Variants in PACRG observed in about 807,000 individuals in gnomAD.
PACRG encodes parkin coregulated gene protein.
PACRG carries 29 observed loss-of-function variants against 29.7 expected under a neutral mutation model. That is an observed-to-expected ratio of 0.98 (90% CI 0.73 to 1.33). PACRG has a LOEUF of 1.33. Among genes scored for constraint, PACRG ranks in the 40% most tolerant of loss-of-function variants. The probability of loss-of-function intolerance (pLI) is 0.00; values close to 1 mark genes in which losing one functional copy is unlikely to be tolerated. For synonymous variants in PACRG, 116 were observed against 118.7 expected, an observed-to-expected ratio of 0.98 and a Z score of 0.15; for missense variants, 279 against 316.2, an observed-to-expected ratio of 0.88 and a Z score of 0.89.
At chr6:163,181,604 C>G (rs1374263074) in intron 4 of PACRG, among the ~76,000 whole-genome samples, 1 of 65,102 alleles carries the variant, frequency 1.5e-5, no homozygotes, top group African/African-American at 6.7e-5. Flanking sequence ...CTTGAGGTGG[C>G]AAAAAAAAAA....
upstream of PACRG, chr6:162,727,842 T>C: frequency 1.5e-6 from 1 of 646,886 alleles, no homozygotes; most frequent in Non-Finnish European, 2.6e-6. Context: ...CTGCTGGGAG[T>C]CGTAGTTCTA....
At chr6:163,172,929 A>G (rs1779155794) in intron 4 of PACRG, among the ~76,000 whole-genome samples, 1 of 152,254 alleles carries the variant, frequency 6.6e-6, no homozygotes, top group South Asian at 2.1e-4. Context: ...AATGTCTACC[A>G]ATATGAAAAT....
At chr6:162,953,696 C>G (rs2128134866) in intron 2 of PACRG, among the ~76,000 whole-genome samples, 1 of 151,498 alleles carries the variant, frequency 6.6e-6, no homozygotes, top group South Asian at 2.1e-4. Context: ...CCCTAACCCC[C>G]CCACACTTTC....
At chr6:163,239,056 A>C (rs1157584546) in intron 4 of PACRG, among the ~76,000 whole-genome samples, 1 of 152,230 alleles carries the variant, frequency 6.6e-6, no homozygotes, top group Non-Finnish European at 1.5e-5. Context: ...AGCTTGTGAA[A>C]GAAGCGTTTC....
intron 1 of PACRG, among the ~76,000 whole-genome samples, chr6:162,797,770 C>G (rs1235313201): frequency 6.6e-6 from 1 of 152,044 alleles, no homozygotes; most frequent in African/African-American, 2.4e-5. Flanking sequence ...TGTCCTTTCT[C>G]TCCTCTTTGT....
intron 2 of PACRG, among the ~76,000 whole-genome samples, chr6:162,830,767 G>A (rs758092448): frequency 9.9e-5 from 15 of 152,172 alleles, no homozygotes; most frequent in East Asian, 1.9e-4. Context: ...TTATTTGGGC[G>A]GCTTTGGTGG....
chr6:162,925,042 G>A (rs1350441302), intron 2 of PACRG, among the ~76,000 whole-genome samples: 1 of 152,096 alleles, frequency 6.6e-6, no homozygotes, highest in East Asian at 1.9e-4. Context: ...ACATCTCTAT[G>A]CAAATACACT....
chr6:162,728,976 T>C (rs1285561735), intron 1 of PACRG, among the ~76,000 whole-genome samples: 1 of 152,204 alleles, frequency 6.6e-6, no homozygotes, highest in Non-Finnish European at 1.5e-5. Flanking sequence ...CCTTTTAAGA[T>C]GATGTGCTTT....
chr6:162,904,753 G>A (rs1471494478), intron 2 of PACRG, among the ~76,000 whole-genome samples: 1 of 152,144 alleles, frequency 6.6e-6, no homozygotes, highest in Non-Finnish European at 1.5e-5. Context: ...CCCAGTGCCT[G>A]ACCTGTTTAG....
intron 4 of PACRG, among the ~76,000 whole-genome samples, chr6:163,150,528 C>T (rs1243219636): frequency 1.3e-5 from 2 of 152,242 alleles, no homozygotes; most frequent in Non-Finnish European, 2.9e-5. Context: ...GAACATCTCC[C>T]TCCTGTCCCC....
At chr6:163,084,269 G>T (rs1239880271) in intron 3 of PACRG, among the ~76,000 whole-genome samples, 3 of 152,084 alleles carry the variant, frequency 2.0e-5, no homozygotes, top group African/African-American at 4.8e-5. Context: ...TCTCTTTCAA[G>T]CTACAAAATC....
chr6:162,927,750 T>G (rs1287274229), intron 2 of PACRG, among the ~76,000 whole-genome samples: 1 of 152,028 alleles, frequency 6.6e-6, no homozygotes, highest in Non-Finnish European at 1.5e-5. Context: ...TGTTTACCCA[T>G]GTAACAAACC....
intron 2 of PACRG, among the ~76,000 whole-genome samples, chr6:162,935,519 T>C (rs370937233): frequency 6.6e-6 from 1 of 151,868 alleles, no homozygotes; most frequent in East Asian, 1.9e-4. Flanking sequence ...TTTCCCTCAT[T>C]ATATGTTTCA....
chr6:162,894,299 G>A (rs1301681184), intron 2 of PACRG, among the ~76,000 whole-genome samples: 2 of 152,200 alleles, frequency 1.3e-5, no homozygotes, highest in African/African-American at 4.8e-5. Flanking sequence ...AGGTTAGACA[G>A]ATGGAAAAAT....
chr6:163,099,157 T>G (rs1814860441), intron 4 of PACRG, among the ~76,000 whole-genome samples: 1 of 152,154 alleles, frequency 6.6e-6, no homozygotes, highest in African/African-American at 2.4e-5. Flanking sequence ...CTCTGATACC[T>G]TGTCACCCCT....
intron 4 of PACRG, among the ~76,000 whole-genome samples, chr6:163,114,777 T>C (rs959895359): frequency 6.6e-6 from 1 of 151,672 alleles, no homozygotes; most frequent in Non-Finnish European, 1.5e-5. Flanking sequence ...GGAGAGCTAA[T>C]GTACAGCATG....
intron 4 of PACRG, among the ~76,000 whole-genome samples, chr6:163,252,113 C>T (rs1193008565): frequency 1.3e-5 from 2 of 152,186 alleles, no homozygotes; most frequent in Admixed American, 6.5e-5. Context: ...AACGCTCCCA[C>T]GTGCGTTTCC....
At chr6:163,053,102 T>A (rs1232839035) in intron 2 of PACRG, among the ~76,000 whole-genome samples, 2 of 152,096 alleles carry the variant, frequency 1.3e-5, no homozygotes, top group Non-Finnish European at 2.9e-5. Context: ...ATTCCTAAAT[T>A]TGAAAACTAC....
intron 2 of PACRG, among the ~76,000 whole-genome samples, chr6:162,875,175 T>C (rs1177567843): frequency 4.1e-5 from 6 of 147,526 alleles, no homozygotes. Flanking sequence ...ACACAGACAT[T>C]CATACACATT....
Sources: gnomAD v4.1 joint callset for allele counts (sites outside exome capture counted in the v4.1 genomes callset) on GRCh38, gnomAD v4.1.1 for gene constraint, MANE v1.5 for transcripts, NCBI Gene and HGNC (gene_info 2026-07-23, HGNC 2026-07-21) for gene names.